Variants in PKP1 observed in about 807,000 individuals in gnomAD.
The protein encoded by PKP1 is plakophilin-1.
Under a neutral mutation model 76.4 loss-of-function variants are expected in PKP1, and 27 were observed. The observed-to-expected ratio is 0.35, with a 90% CI of 0.26 to 0.49. PKP1 has a LOEUF of 0.49. Ranked by LOEUF, PKP1 falls within the 20% of genes least tolerant of loss-of-function variation. The pLI is 0.99. For missense variants in PKP1, 964 were observed against 955.2 expected, an observed-to-expected ratio of 1.01 and a Z score of -0.12; for synonymous variants, 404 against 384.2, an observed-to-expected ratio of 1.05 and a Z score of -0.60.
intron 6 of PKP1, 81 bp from the exon 7 acceptor site, chr1:201,320,186 C>A: frequency 1.2e-6 from 1 of 868,662 alleles, no homozygotes; most frequent in South Asian, 1.4e-5. Flanking sequence ...TGCCTGTCCC[C>A]CACCACACTC....
chr1:201,283,966 G>T, intron 1 of PKP1, 62 bp downstream of exon 1: 1 of 1,478,218 alleles, frequency 6.8e-7, no homozygotes, highest in Non-Finnish European at 9.4e-7. Context: ...GCCCAGTGGC[G>T]GGGACCAAGA....
intron 6 of PKP1, among the ~76,000 whole-genome samples, chr1:201,319,373 C>T (rs1656865400): frequency 6.6e-6 from 1 of 152,154 alleles, no homozygotes; most frequent in African/African-American, 2.4e-5. Context: ...TGGTACAGGG[C>T]TTGGAACCCT....
chr1:201,324,898 C>T (rs1657065839), intron 10 of PKP1, 43 bp from the exon 11 acceptor site: 15 of 1,580,682 alleles, frequency 9.5e-6, no homozygotes, highest in Non-Finnish European at 1.2e-5. Flanking sequence ...CCCTTCCTTC[C>T]CCAGTCATCC....
chr1:201,324,948 G>C lies in PKP1; in HGVS notation c.1842G>C (p.Gln614His). ...AACTCGTTCCTCTCCCAGGGAACCA[G>C]GTGTTCCCGGAGGTGACCAGGCTCC... is the stretch of plus-strand genomic sequence containing the variant. ...HPLLHRVMGN[Q>H]VFPEVTRLLT... Residue 614 changes from glutamine (Q) to histidine (H), a missense_variant, in exon 11 of 14, where the codon CAG becomes CAC. Transcript: ENST00000367324. The C allele has an allele frequency of 6.2e-7, 1 of 1,613,302 alleles. No individual in the cohort carries two copies. Among genetic ancestry groups the C allele is most frequent in the Non-Finnish European group, 8.5e-7 (1 of 1,179,784 alleles).
chr1:201,321,736 T>G (rs897233176), intron 7 of PKP1, among the ~76,000 whole-genome samples: 2 of 152,180 alleles, frequency 1.3e-5, no homozygotes, highest in Non-Finnish European at 2.9e-5. Context: ...ACATTTGAGA[T>G]AGCTGAGGCC....
At chr1:201,323,743 G>A (rs555995350) in intron 9 of PKP1, among the ~76,000 whole-genome samples, 1 of 152,286 alleles carries the variant, frequency 6.6e-6, no homozygotes, top group East Asian at 1.9e-4. Flanking sequence ...TTAGGAAAAG[G>A]GAACCGAGCA....
intron 1 of PKP1, among the ~76,000 whole-genome samples, chr1:201,289,283 G>A (rs146708949): frequency 3.3e-5 from 5 of 152,180 alleles, no homozygotes; most frequent in Non-Finnish European, 5.9e-5. Context: ...GGGCACCATG[G>A]GTGAAAGAGA....
At position 201,313,331 on chromosome 1, in the gene PKP1, G is replaced by T. The variant is rs764983461; in HGVS notation, c.472G>T (p.Asp158Tyr). The stretch of plus-strand genomic sequence containing the variant: ...AATCAAGGCGAGCCGCAGTGAGCCC[G>T]ACCTCTACTGTGACCCACGGGGCAC... ...QKIKASRSEP[D>Y]LYCDPRGTLR... Residue 158 changes from aspartate (D) to tyrosine (Y), a missense_variant, in exon 3 of 14, where the codon GAC becomes TAC. Asp to Tyr is a radical substitution (Grantham distance 160). Coordinates refer to ENST00000367324, the MANE Select transcript of PKP1 (RefSeq NM_001005337.3). 1.9e-6 allele frequency: 3 copies of T among 1,591,254 alleles called. No individual in the cohort carries two copies. Among genetic ancestry groups the T allele is most frequent in the South Asian group, 2.3e-5 (2 of 87,668 alleles).
intron 9 of PKP1, 120 bp downstream of exon 9, chr1:201,323,309 T>G (rs1180862916): frequency 1.1e-6 from 1 of 925,820 alleles, no homozygotes; most frequent in African/African-American, 1.6e-5. Flanking sequence ...ATGAGCAGAG[T>G]GTGCCTGGCA....
In PKP1 at chr1:201,283,659, T is replaced by C. The variant is rs1234066164; in HGVS notation, c.-44T>C. On this transcript the variant is annotated 5_prime_UTR_variant, in exon 1 of 14. Coordinates refer to ENST00000367324, the MANE Select transcript of PKP1 (RefSeq NM_001005337.3). ...TGCACCGCACCTCGCCTCGCCTCTC[T>C]GCTCTCCTAGGCCCCGGCCGCGCGC... 3.2e-6 allele frequency: 5 copies of C among 1,559,372 alleles called. No individual in the cohort carries two copies. The East Asian group carries it at 9.3e-5, about 29-fold the overall frequency.
At chr1:201,294,109 T>C in intron 2 of PKP1, 64 bp downstream of exon 2, 1 of 1,135,454 alleles carries the variant, frequency 8.8e-7, no homozygotes, top group Non-Finnish European at 1.3e-6. Context: ...AGGTTTATAG[T>C]GGAGAAAACC....
chr1:201,294,038 G>A lies in PKP1; in HGVS notation c.299G>A (p.Gly100Glu). 1.9e-6 allele frequency: 3 copies of A among 1,606,826 alleles called. No individual in the cohort carries two copies. The highest frequency in any genetic ancestry group is 1.7e-4 in the Middle Eastern group (1 of 6,054). ...SKFQAGNGSW[G>E]YPIYNGTLKR... ...TTCCAGGCAGGGAATGGCTCATGGG[G>A]ATATCCGGTAAGGAACTGCTTCCAT... The change falls in exon 2 of 14, where the codon GGA (glycine) becomes GAA (glutamate). Residue 100 changes from glycine to glutamate, a missense_variant. Gly to Glu is a moderately conservative substitution (Grantham distance 98, BLOSUM62 -2). Coordinates refer to ENST00000367324, the MANE Select transcript of PKP1 (RefSeq NM_001005337.3).
At chr1:201,322,853 C>G (rs562520098) in intron 8 of PKP1, among the ~76,000 whole-genome samples, 160 bp from the exon 9 acceptor site, 189 of 152,304 alleles carry the variant, frequency 1.2e-3, no homozygotes, top group African/African-American at 4.4e-3. Flanking sequence ...GAAAGGGGTG[C>G]AGCGGGGCTG....
chr1:201,287,287 A>C (rs760117263), intron 1 of PKP1, among the ~76,000 whole-genome samples: 10 of 152,176 alleles, frequency 6.6e-5, no homozygotes, highest in Admixed American at 1.3e-4. Flanking sequence ...TTCAGCCCTC[A>C]TCAGGGGAGA....
At chr1:201,317,420 T>C (rs1156654754) in intron 4 of PKP1, 152 bp from the exon 5 acceptor site, 2 of 722,190 alleles carry the variant, frequency 2.8e-6, no homozygotes, top group East Asian at 2.7e-5. Context: ...TCAGTTATCA[T>C]GACCTCACAC....
At position 201,323,189 on chromosome 1, in the gene PKP1, G is replaced by A. The variant is rs764983160; in HGVS notation, c.1680G>A (p.Leu560=). ...AGAACCTGACAGCCAGCAAGGGGCT[G>A]GTGAGTGGGACTGTACCTTCTCTAC... ...ALQNLTASKG[L]MSSGMSQLIG... is the part of the protein sequence containing the mutation. Residue 560 remains leucine, a splice_region_variant and synonymous_variant, in exon 9 of 14, where the codon CTG becomes CTA. Coordinates refer to ENST00000367324, the MANE Select transcript of PKP1 (RefSeq NM_001005337.3). The A allele has an allele frequency of 4.3e-6, 7 of 1,613,662 alleles. No homozygotes were observed. Among genetic ancestry groups the A allele is most frequent in the Middle Eastern group, 3.3e-4 (2 of 6,062 alleles).
chr1:201,328,825 T>G lies in PKP1; in HGVS notation c.2170T>G (p.Ser724Ala). Residue 724 changes from serine (S) to alanine (A), a missense_variant, in exon 13 of 14, where the codon TCC (serine) becomes GCC (alanine). Coordinates refer to ENST00000367324, the MANE Select transcript of PKP1 (RefSeq NM_001005337.3). ...AGANSLRNFTSRF is the reference protein window; with the variant it reads ...AGANSLRNFTARF ...GGCCAACAGCCTCAGGAACTTCACCTCCCGATTCTAAGAAGAGACTGTCCA... is the reference window on the plus strand; with the variant it reads ...GGCCAACAGCCTCAGGAACTTCACCGCCCGATTCTAAGAAGAGACTGTCCA... The G allele has an allele frequency of 6.2e-7, 1 of 1,613,740 alleles. No homozygotes were observed. The highest frequency in any genetic ancestry group is 8.5e-7 in the Non-Finnish European group (1 of 1,179,670).
At chr1:201,328,479 A>G in intron 12 of PKP1, 1 of 491,168 alleles carries the variant, frequency 2.0e-6, no homozygotes, top group Admixed American at 3.2e-5. Flanking sequence ...TTAAAAAATA[A>G]TACTAGCCTA....
chr1:201,316,593 C>A lies in PKP1; in HGVS notation c.742C>A (p.Pro248Thr), dbSNP rs1362589233. 3.1e-6 allele frequency: 5 copies of A among 1,611,998 alleles called. No individual in the cohort carries two copies. In the Admixed American group the frequency reaches 6.7e-5, roughly 22 times the overall value. Residue 248 changes from proline (P) to threonine (T), a missense_variant, in exon 4 of 14, where the codon CCC (proline) becomes ACC (threonine). By Grantham distance (38) the Pro-to-Thr change is conservative (BLOSUM62 -1). Transcript: ENST00000367324. ...CATCGAGTGCAGTGGGCTGACCATC[C>A]CCAAGGCTGTGCAGTACCTGAGCTC... ...EDIECSGLTI[P>T]KAVQYLSSQD...
Sources: gnomAD v4.1 joint callset for allele counts (sites outside exome capture counted in the v4.1 genomes callset) on GRCh38, gnomAD v4.1.1 for gene constraint, MANE v1.5 for transcripts, NCBI Gene and HGNC (gene_info 2026-07-23, HGNC 2026-07-21) for gene names.